The following CAMTA1 variants were observed in gnomAD, a reference collection of about 807,000 sequenced individuals.
CAMTA1 encodes calmodulin-binding transcription activator 1.
CAMTA1 carries 27 observed loss-of-function variants against 170.9 expected under a neutral mutation model. That is an observed-to-expected ratio of 0.16 (90% CI 0.12 to 0.22). The LOEUF (loss-of-function observed/expected upper bound fraction) is 0.22, where lower values mean the gene tolerates loss of function less well. Ranked by LOEUF, CAMTA1 falls within the 10% of genes least tolerant of loss-of-function variation. The pLI is 1.00. For missense variants in CAMTA1, 1,619 were observed against 2,217.2 expected (o/e 0.73, Z 5.42); for synonymous variants, 833 against 891.5 (o/e 0.93, Z 1.17).
Position 6,971,393 on chromosome 1 carries a change from G to A in CAMTA1, c.235-119911G>A, listed in dbSNP as rs1038208730. Among the ~76,000 whole-genome samples, 4 of 152,190 alleles carry A rather than the reference G, an allele frequency of 2.6e-5. No individual in the cohort carries two copies. Among genetic ancestry groups the A allele is most frequent in the African/African-American group, 7.2e-5 (3 of 41,434 alleles). ...CGTGTCATTCTGCTGCCACTTTAAT[G>A]AGGACTGAGAATAAATAGAAATCCT... On this transcript the variant is annotated intron_variant, in intron 3 of 22. Coordinates refer to ENST00000303635, the MANE Select transcript of CAMTA1 (RefSeq NM_015215.4). The surrounding 1 kb of genome is among the most constrained non-coding windows in gnomAD (Gnocchi z 4.6).
At chr1:7,526,958 A>ACCC (rs2094438836) in intron 6 of CAMTA1, among the ~76,000 whole-genome samples, 2 of 152,160 alleles carry the variant, frequency 1.3e-5, no homozygotes, top group Non-Finnish European at 2.9e-5. Context: ...TGTTTCCAAG[A>ACCC]AAGCAGCCTT....
chr1:7,478,377 T>C (rs1193185), intron 6 of CAMTA1, among the ~76,000 whole-genome samples: 83,317 of 151,874 alleles, frequency 0.55, 24,381 homozygotes, highest in African/African-American at 0.75. Context: ...TTGTCTCCTG[T>C]GTGCCACCCT....
At chr1:7,404,994 G>A (rs527698240) in intron 5 of CAMTA1, among the ~76,000 whole-genome samples, 1 of 152,122 alleles carries the variant, frequency 6.6e-6, no homozygotes, top group African/African-American at 2.4e-5. Context: ...CAGTTGAGGT[G>A]AAGTGAAAAT....
chr1:7,316,988 G>A (rs754370794), intron 5 of CAMTA1, among the ~76,000 whole-genome samples: 13 of 152,206 alleles, frequency 8.5e-5, no homozygotes, highest in South Asian at 6.2e-4. Flanking sequence ...AGCAAATTCC[G>A]TCCTGTCTGC....
rs1478064704 is a variant in CAMTA1, at chr1:7,580,428, G to T, written c.511-59972G>T. Among the ~76,000 whole-genome samples, 1 of 152,094 alleles carries T rather than the reference G, an allele frequency of 6.6e-6. No individual in the cohort carries two copies. The highest frequency in any genetic ancestry group is 1.5e-5 in the Non-Finnish European group (1 of 67,982). ...GGGAGAGGAAGGAAGACAGGTGAGGGGGCTGATGGGAGCCATGATGAGGTC... is the reference window on the plus strand; with the variant it reads ...GGGAGAGGAAGGAAGACAGGTGAGGTGGCTGATGGGAGCCATGATGAGGTC... On this transcript the variant is annotated intron_variant, in intron 6 of 22. Coordinates refer to ENST00000303635, the MANE Select transcript of CAMTA1 (RefSeq NM_015215.4). The surrounding 1 kb of genome is among the most constrained non-coding windows in gnomAD (Gnocchi z 4.3).
chr1:7,310,884 C>T (rs1247442150), intron 5 of CAMTA1, among the ~76,000 whole-genome samples: 1 of 151,710 alleles, frequency 6.6e-6, no homozygotes, highest in African/African-American at 2.4e-5. Context: ...GTGCATGCTA[C>T]CATGCCCGAC....
At chr1:7,142,318 T>C (rs1456739206) in intron 4 of CAMTA1, among the ~76,000 whole-genome samples, 2 of 152,228 alleles carry the variant, frequency 1.3e-5, no homozygotes, top group Non-Finnish European at 2.9e-5. Context: ...AGGTCCTTTT[T>C]TCCTCTGTGC....
chr1:7,241,802 T>TC (rs1278256110), intron 4 of CAMTA1, among the ~76,000 whole-genome samples: 7 of 152,038 alleles, frequency 4.6e-5, no homozygotes, highest in Non-Finnish European at 1.0e-4. Context: ...AAAAATTCAC[T>TC]CAAAATGGAT....
At position 6,887,707 on chromosome 1, in the gene CAMTA1, C is replaced by T; in HGVS notation, c.234+62497C>T. The T allele has an allele frequency of 6.5e-7, 1 of 1,535,340 alleles. No individual in the cohort carries two copies. The highest frequency in any genetic ancestry group is 1.7e-4 in the Middle Eastern group (1 of 5,984). On this transcript the variant is annotated intron_variant, in intron 3 of 22. Transcript: ENST00000303635. The surrounding 1 kb of genome is among the most constrained non-coding windows in gnomAD (Gnocchi z 4.1). ...CAGCAAAGAAGAGGGATCCACAGAGCTGGAGCCATGAGGGCTGACACATTG... is the reference window on the plus strand; with the variant it reads ...CAGCAAAGAAGAGGGATCCACAGAGTTGGAGCCATGAGGGCTGACACATTG...
At chr1:7,054,064 C>T (rs913234148) in intron 3 of CAMTA1, among the ~76,000 whole-genome samples, 12 of 152,216 alleles carry the variant, frequency 7.9e-5, no homozygotes, top group South Asian at 2.1e-4. Context: ...CACAGACCAT[C>T]GTCCTCACTG....
intron 5 of CAMTA1, among the ~76,000 whole-genome samples, chr1:7,445,587 C>A (rs1040332702): frequency 3.9e-5 from 6 of 152,136 alleles, no homozygotes; most frequent in African/African-American, 1.4e-4. Flanking sequence ...TGTGTCCCCT[C>A]CCAGGTGGAA....
rs61780890 is a variant in CAMTA1 at position 6,893,761 on chromosome 1, C to T, written c.234+68551C>T. ...CTTGCTTTTGTACCGTTCTGTATTC[C>T]GTTTGTCAGGCTGCGAGGGAAGGGG... On this transcript the variant is annotated intron_variant, in intron 3 of 22. Transcript: ENST00000303635. 9.0e-3 allele frequency among the ~76,000 whole-genome samples: 1,364 copies of T among 152,190 alleles called. 14 individuals carry two copies. The highest frequency in any genetic ancestry group is 0.026 in the South Asian group (125 of 4,818).
At chr1:7,522,585 G>A (rs1750819) in intron 6 of CAMTA1, among the ~76,000 whole-genome samples, 119,590 of 152,146 alleles carry the variant, frequency 0.79, 47,449 homozygotes, top group African/African-American at 0.89. Flanking sequence ...ACTTTCTCTT[G>A]TGTTTTTCTA....
rs2094505209 is a variant in CAMTA1, at chr1:7,532,658, T to A, written c.510+64757T>A. On this transcript the variant is annotated intron_variant, in intron 6 of 22. Transcript: ENST00000303635. This position sits in a 1 kb window ranked among gnomAD's most constrained non-coding sequence, Gnocchi z 4.2. ...AAAGCATAGGGCTTGGCAACCTCCC[T>A]CTTCTCCCTGGAGTTGAAGGCAGTA... 6.6e-6 allele frequency among the ~76,000 whole-genome samples: 1 copy of A among 152,208 alleles called. No homozygotes were observed. Among genetic ancestry groups the A allele is most frequent in the Non-Finnish European group, 1.5e-5 (1 of 68,034 alleles).
chr1:7,524,897 A>G (rs2094412693), intron 6 of CAMTA1, among the ~76,000 whole-genome samples: 1 of 151,974 alleles, frequency 6.6e-6, no homozygotes, highest in African/African-American at 2.4e-5. Flanking sequence ...GTCCTGTGCC[A>G]TGTTCCCGGC....
intron 4 of CAMTA1, among the ~76,000 whole-genome samples, chr1:7,098,692 C>T (rs906061693): frequency 6.6e-5 from 10 of 152,214 alleles, no homozygotes; most frequent in Non-Finnish European, 1.2e-4. Context: ...GGGCAACCCA[C>T]GGAGGCCACT....
intron 4 of CAMTA1, among the ~76,000 whole-genome samples, chr1:7,132,765 A>G (rs1645337239): frequency 6.6e-6 from 1 of 152,210 alleles, no homozygotes; most frequent in Non-Finnish European, 1.5e-5. Flanking sequence ...GCACAATACT[A>G]TCAGCTAGAC....
chr1:7,374,865 A>G (rs551734972), intron 5 of CAMTA1, among the ~76,000 whole-genome samples: 1 of 152,310 alleles, frequency 6.6e-6, no homozygotes, highest in East Asian at 1.9e-4. Flanking sequence ...CTGGTCGCAG[A>G]GCTAGTCGGC....
At chr1:7,241,742 T>C (rs1405582093) in intron 4 of CAMTA1, among the ~76,000 whole-genome samples, 4 of 152,156 alleles carry the variant, frequency 2.6e-5, no homozygotes, top group Non-Finnish European at 5.9e-5. Flanking sequence ...CTGGGACAAT[T>C]GGATATTCAG....
Sources: allele counts gnomAD v4.1 joint callset (sites outside exome capture counted in the v4.1 genomes callset), GRCh38; gene constraint gnomAD v4.1.1; non-coding constraint Gnocchi (gnomAD v3.1); transcripts MANE v1.5; gene names NCBI Gene and HGNC (gene_info 2026-07-23, HGNC 2026-07-21).